The following MED13L variants were observed in gnomAD, a reference collection of about 807,000 sequenced individuals.
The protein encoded by MED13L is mediator complex subunit 13L, also known as mediator of RNA polymerase II transcription subunit 13-like.
Under a neutral mutation model 220.9 loss-of-function variants are expected in MED13L, and 7 were observed. The ratio of observed to expected loss-of-function variants is 0.03; its 90% CI spans 0.02 to 0.06. MED13L has a LOEUF of 0.06. Among genes scored for constraint, MED13L ranks in the 10% least tolerant of loss-of-function variants. The pLI is 1.00. For synonymous variants in MED13L, 1,011 were observed against 1,015.2 expected, an observed-to-expected ratio of 1.00 and a Z score of 0.08; for missense variants, 1,965 against 2,760.5, an observed-to-expected ratio of 0.71 and a Z score of 6.46.
Position 115,983,308 on chromosome 12 carries a change from T to C in MED13L, c.4764A>G (p.Ser1588=), listed in dbSNP as rs1435714323. 2 of 1,614,206 alleles carry C rather than the reference T, an allele frequency of 1.2e-6. No homozygotes were observed. Among genetic ancestry groups the C allele is most frequent in the Non-Finnish European group, 8.5e-7 (1 of 1,180,030 alleles). ...SASGSSVPPV[S]SSASAPGISQ... ...TAATACCAGGAGCAGAGGCAGACGA[T>C]GAGACCGGTGGCACAGAGGAACCAG... Residue 1588 remains serine, a synonymous_variant, in exon 21 of 31, where the codon TCA becomes TCG. Transcript: ENST00000281928.
chr12:116,258,107 A>G (rs939028885), intron 1 of MED13L, among the ~76,000 whole-genome samples: 1 of 152,234 alleles, frequency 6.6e-6, no homozygotes, highest in Admixed American at 6.5e-5. Flanking sequence ...AAAGAGACCA[A>G]TAATGTTTGG....
In MED13L at chr12:115,961,167, G is replaced by C. The variant is rs978579611; in HGVS notation, c.*99C>G. 6.0e-6 allele frequency: 9 copies of C among 1,490,404 alleles called. No individual in the cohort carries two copies. Among genetic ancestry groups the C allele is most frequent in the Non-Finnish European group, 8.4e-6 (9 of 1,071,964 alleles). The allele number at this position is 1,490,404 out of a possible 1,614,324, so 92.3% of individuals were successfully genotyped here. A position where few individuals can be genotyped will look rare whatever the true frequency, so the allele number is the denominator to read the frequency against. On this transcript the variant is annotated 3_prime_UTR_variant, in exon 31 of 31. Transcript: ENST00000281928. ...AGTGCAGGACTGTGGAGAGTGGTCT[G>C]AAGAAAAGGATGTGGGTTATTTGCA...
chr12:116,134,124 A>C (rs1488115856), intron 2 of MED13L, among the ~76,000 whole-genome samples: 1 of 152,172 alleles, frequency 6.6e-6, no homozygotes, highest in African/African-American at 2.4e-5. Context: ...CTGAGTTTTG[A>C]TATTAGATGA....
chr12:116,187,253 T>C (rs2138249683), intron 2 of MED13L, among the ~76,000 whole-genome samples: 1 of 152,342 alleles, frequency 6.6e-6, no homozygotes. Context: ...CCCTCCTCTC[T>C]CACTTACGTG....
rs1173604258 is a variant in MED13L, at chr12:116,081,965, A to T, written c.479+14704T>A. Reference sequence around the variant, plus strand: ...TGATCTATGAATACATTTTTTTTTTAAAAGTGCTATTAATGAAGTTTAAAA... The same window carrying T: ...TGATCTATGAATACATTTTTTTTTTTAAAGTGCTATTAATGAAGTTTAAAA... On this transcript the variant is annotated intron_variant, in intron 4 of 30. Coordinates refer to ENST00000281928, the MANE Select transcript of MED13L (RefSeq NM_015335.5). 2.0e-5 allele frequency among the ~76,000 whole-genome samples: 3 copies of T among 152,196 alleles called. No homozygotes were observed. The East Asian group carries it at 5.8e-4, about 29-fold the overall frequency.
rs572297413 is a variant in MED13L, at chr12:116,166,837, G to A, written c.311-55325C>T. Among the ~76,000 whole-genome samples, 13 of 152,162 alleles carry A rather than the reference G, an allele frequency of 8.5e-5. No individual in the cohort carries two copies. The East Asian group carries it at 2.5e-3, about 29-fold the overall frequency. On this transcript the variant is annotated intron_variant, in intron 2 of 30. Coordinates refer to ENST00000281928, the MANE Select transcript of MED13L (RefSeq NM_015335.5). ...AGCACTTAATAAATATTTGTTGAAT[G>A]AATAAGTACAGAGAAGGATTTTAAA...
At chr12:116,039,573 C>T (rs1437019958) in intron 4 of MED13L, among the ~76,000 whole-genome samples, 1 of 152,056 alleles carries the variant, frequency 6.6e-6, no homozygotes, top group African/African-American at 2.4e-5. Flanking sequence ...TCTAAATACA[C>T]TGATAAGCCC....
intron 2 of MED13L, among the ~76,000 whole-genome samples, chr12:116,157,034 T>A (rs944591689): frequency 6.6e-6 from 1 of 152,194 alleles, no homozygotes; most frequent in Non-Finnish European, 1.5e-5. Flanking sequence ...GAAACTGGTA[T>A]CCACTGCTGT....
chr12:116,045,590 G>T (rs183042199), intron 4 of MED13L, among the ~76,000 whole-genome samples: 12 of 152,218 alleles, frequency 7.9e-5, no homozygotes, highest in Middle Eastern at 3.4e-3. Context: ...GAGTCACAGC[G>T]TATCTGGTAA....
intron 2 of MED13L, among the ~76,000 whole-genome samples, chr12:116,153,818 T>C (rs1203078025): frequency 6.6e-6 from 1 of 152,202 alleles, no homozygotes; most frequent in Non-Finnish European, 1.5e-5. Context: ...GCTGAGAATG[T>C]ATTTTCCCAT....
chr12:116,096,389 A>G (rs1183658300), intron 4 of MED13L, among the ~76,000 whole-genome samples: 6 of 144,206 alleles, frequency 4.2e-5, no homozygotes, highest in African/African-American at 1.5e-4. Flanking sequence ...AAAGTCAAAG[A>G]TGAGGAAGGA....
chr12:116,063,972 T>C (rs1229962031), intron 4 of MED13L, among the ~76,000 whole-genome samples: 2 of 152,038 alleles, frequency 1.3e-5, no homozygotes, highest in Non-Finnish European at 2.9e-5. Flanking sequence ...TGCTTGACTC[T>C]AGGAGTTGGA....
intron 3 of MED13L, among the ~76,000 whole-genome samples, chr12:116,108,490 G>A (rs1873795756): frequency 6.6e-6 from 1 of 151,344 alleles, no homozygotes. Context: ...TCCAACTTCT[G>A]TTGACAATGA....
At chr12:116,151,742 CT>C (rs1448504600) in intron 2 of MED13L, among the ~76,000 whole-genome samples, 2 of 152,170 alleles carry the variant, frequency 1.3e-5, no homozygotes, top group Non-Finnish European at 2.9e-5. Context: ...TATTTTTAAC[CT>C]TCCTAAGGGT....
chr12:116,273,057 C>A (rs1873513619), intron 1 of MED13L, among the ~76,000 whole-genome samples: 1 of 152,094 alleles, frequency 6.6e-6, no homozygotes, highest in South Asian at 2.1e-4. Flanking sequence ...GTAATCCCAG[C>A]ACTTTGGGAG....
At chr12:116,065,373 T>C (rs960127706) in intron 4 of MED13L, among the ~76,000 whole-genome samples, 2 of 152,104 alleles carry the variant, frequency 1.3e-5, no homozygotes, top group Non-Finnish European at 2.9e-5. Flanking sequence ...ATATGCTGAG[T>C]ATAATAAATA....
chr12:116,033,660 T>C (rs953120711), intron 4 of MED13L, among the ~76,000 whole-genome samples: 2 of 152,198 alleles, frequency 1.3e-5, no homozygotes, highest in Admixed American at 1.3e-4. Flanking sequence ...TAGTACAAGA[T>C]CCTCACTCCT....
At chr12:116,132,996 T>G (rs1876211494) in intron 2 of MED13L, among the ~76,000 whole-genome samples, 1 of 152,194 alleles carries the variant, frequency 6.6e-6, no homozygotes, top group African/African-American at 2.4e-5. Flanking sequence ...ACGGTATCAC[T>G]TGCTGCACAG....
Position 116,236,753 on chromosome 12 carries a change from T to G in MED13L, c.310+715A>C, listed in dbSNP as rs140695229. The G allele has an allele frequency of 2.4e-3, 1,820 of 767,460 alleles. 29 individuals carry two copies. In the African/African-American group the frequency reaches 0.031, roughly 13 times the overall value. The allele number at this position is 767,460 out of a possible 1,614,324, so 47.5% of individuals were successfully genotyped here. Reference sequence around the variant, plus strand: ...TTTTTACCAGAAATTCAAAGACAACTGATAAAAGTTCCTGCTCATAAAACT... The same window carrying G: ...TTTTTACCAGAAATTCAAAGACAACGGATAAAAGTTCCTGCTCATAAAACT... On this transcript the variant is annotated intron_variant, in intron 2 of 30. Coordinates refer to ENST00000281928, the MANE Select transcript of MED13L (RefSeq NM_015335.5).
Sources: allele counts gnomAD v4.1 joint callset (sites outside exome capture counted in the v4.1 genomes callset), GRCh38; gene constraint gnomAD v4.1.1; transcripts MANE v1.5; gene names NCBI Gene and HGNC (gene_info 2026-07-23, HGNC 2026-07-21).